Variants in MED13 observed in about 807,000 individuals in gnomAD.
The protein encoded by MED13 is mediator complex subunit 13.
Under a neutral mutation model 225.2 loss-of-function variants are expected in MED13, and 23 were observed. The ratio of observed to expected loss-of-function variants is 0.10; its 90% CI spans 0.07 to 0.14. The LOEUF (loss-of-function observed/expected upper bound fraction) is 0.14, where lower values mean the gene tolerates loss of function less well. Ranked by LOEUF, MED13 falls within the 10% of genes least tolerant of loss-of-function variation. The pLI, the probability that MED13 is intolerant of heterozygous loss-of-function variation, is 1.00. For missense variants in MED13, 2,197 were observed against 2,594.5 expected, an observed-to-expected ratio of 0.85 and a Z score of 3.33; for synonymous variants, 942 against 889.2, an observed-to-expected ratio of 1.06 and a Z score of -1.06.
chr17:62,002,489 C>CAAAA (rs35736875), intron 9 of MED13, among the ~76,000 whole-genome samples: 3 of 50,646 alleles, frequency 5.9e-5, no homozygotes, highest in South Asian at 7.0e-4. Context: ...AACTCCATCT[C>CAAAA]AAAAAAAAAA....
intron 18 of MED13, among the ~76,000 whole-genome samples, chr17:61,967,582 T>C (rs1287195389): frequency 6.6e-6 from 1 of 152,192 alleles, no homozygotes; most frequent in Non-Finnish European, 1.5e-5. Flanking sequence ...GTGAGAATTA[T>C]AACTTAAAAG....
Position 62,010,856 on chromosome 17 carries a change from G to C in MED13, c.1661C>G (p.Thr554Ser), listed in dbSNP as rs2080501098. The C allele has an allele frequency of 6.2e-7, 1 of 1,614,242 alleles. No homozygotes were observed. Among genetic ancestry groups the C allele is most frequent in the African/African-American group, 1.3e-5 (1 of 75,056 alleles). The change falls in exon 9 of 30, where the codon ACT (threonine) becomes AGT (serine). Residue 554 changes from threonine to serine, a missense_variant. Transcript: ENST00000397786. ...VDEGVTKTPSTPQSQHFYQMP... is the reference protein window; with the variant it reads ...VDEGVTKTPSSPQSQHFYQMP... ...TTGATAAAAATGTTGACTCTGAGGA[G>C]TTGAAGGTGTTTTAGTCACTCCTTC...
intron 21 of MED13, 83 bp from the exon 22 acceptor site, chr17:61,961,862 T>A (rs368444667): frequency 3.9e-6 from 5 of 1,279,250 alleles, no homozygotes; most frequent in East Asian, 2.3e-5. Context: ...TCTAAAAACT[T>A]TTTACTAGAA....
At chr17:62,047,471 G>A (rs867037982) in intron 3 of MED13, among the ~76,000 whole-genome samples, 1 of 152,058 alleles carries the variant, frequency 6.6e-6, no homozygotes, top group East Asian at 1.9e-4. Context: ...ACCAAACACT[G>A]TATGTTCTCA....
intron 3 of MED13, among the ~76,000 whole-genome samples, chr17:62,040,432 G>T (rs375941545): frequency 2.0e-3 from 297 of 152,270 alleles, no homozygotes; most frequent in Non-Finnish European, 3.5e-3. Flanking sequence ...ATTAAGTACT[G>T]AAATTAATCA....
Position 61,992,571 on chromosome 17 carries a change from A to G in MED13, c.2232T>C (p.Ala744=). 6.2e-7 allele frequency: 1 copy of G among 1,611,882 alleles called. No homozygotes were observed. Among genetic ancestry groups the G allele is most frequent in the African/African-American group, 1.3e-5 (1 of 75,022 alleles). Reference sequence around the variant, plus strand: ...TGATAGAGGGACTAAATAATGACATAGCATCTTCTTCATGTGATAACACTG... The same window carrying G: ...TGATAGAGGGACTAAATAATGACATGGCATCTTCTTCATGTGATAACACTG... The part of the protein sequence containing the change: ...SVTVLSHEED[A]MSLFSPSIKQ... Residue 744 remains alanine (A), a synonymous_variant, in exon 11 of 30, where the codon GCT becomes GCC. Transcript: ENST00000397786.
At chr17:62,046,992 A>T (rs2080903339) in intron 3 of MED13, among the ~76,000 whole-genome samples, 1 of 149,506 alleles carries the variant, frequency 6.7e-6, no homozygotes, top group South Asian at 2.1e-4. Context: ...AGTAGCTGGG[A>T]CTCTGAAGTC....
chr17:62,015,973 T>A (rs1204932622), intron 8 of MED13, among the ~76,000 whole-genome samples: 1 of 67,948 alleles, frequency 1.5e-5, no homozygotes, highest in African/African-American at 6.9e-5. Context: ...TTTTTTTTTT[T>A]TTTTTTTTTT....
At chr17:62,060,979 G>GT (rs1432935800) in intron 2 of MED13, among the ~76,000 whole-genome samples, 1 of 152,036 alleles carries the variant, frequency 6.6e-6, no homozygotes, top group Non-Finnish European at 1.5e-5. Context: ...GATTACAGGC[G>GT]TGAGTGAGCC....
At chr17:62,023,920 G>T (rs1003449765) in intron 8 of MED13, among the ~76,000 whole-genome samples, 1 of 152,116 alleles carries the variant, frequency 6.6e-6, no homozygotes, top group Non-Finnish European at 1.5e-5. Context: ...TACTAAAGGA[G>T]CAAACTAACC....
chr17:61,978,515 G>T (rs908604179), intron 16 of MED13, among the ~76,000 whole-genome samples: 9 of 152,112 alleles, frequency 5.9e-5, no homozygotes, highest in African/African-American at 1.7e-4. Context: ...CACTTTGTGG[G>T]GGGCCAAGGT....
Position 62,018,369 on chromosome 17 carries a change from C to T in MED13, c.1284-7136G>A, listed in dbSNP as rs553070836. Among the ~76,000 whole-genome samples the T allele has an allele frequency of 3.3e-5, 5 of 152,238 alleles. No homozygotes were observed. The South Asian group carries it at 1.0e-3, about 32-fold the overall frequency. On this transcript the variant is annotated intron_variant, in intron 8 of 29. Transcript: ENST00000397786. ...AACAATACGGTATAACAACTATTTA[C>T]GTAACACATTGTATTAGGTATTATA...
rs2080230619 is a variant in MED13 at position 61,984,377 on chromosome 17, A to G, written c.2692-10T>C. 3 of 1,533,560 alleles carry G rather than the reference A, an allele frequency of 2.0e-6. No individual in the cohort carries two copies. The highest frequency in any genetic ancestry group is 2.6e-6 in the Non-Finnish European group (3 of 1,143,908). 95.0% of individuals were successfully genotyped at this position (1,533,560 alleles called of 1,614,324 possible). A position where few individuals can be genotyped will look rare whatever the true frequency, so the allele number is the denominator to read the frequency against. ...AGACATAAGAAAAATCCTACAATAT[A>G]AAGATGGTAGGTTTTCAGTATCTTA... On this transcript the variant is annotated splice_polypyrimidine_tract_variant and intron_variant, in intron 14 of 29. Coordinates refer to ENST00000397786, the MANE Select transcript of MED13 (RefSeq NM_005121.3).
At chr17:61,963,212 A>G (rs2080020593) in intron 20 of MED13, among the ~76,000 whole-genome samples, 1 of 143,060 alleles carries the variant, frequency 7.0e-6, no homozygotes, top group Non-Finnish European at 1.5e-5. Flanking sequence ...CAAAAAAAAA[A>G]AAAAAAAAAA....
intron 17 of MED13, among the ~76,000 whole-genome samples, chr17:61,969,925 A>T (rs955311253): frequency 6.6e-6 from 1 of 152,140 alleles, no homozygotes; most frequent in Non-Finnish European, 1.5e-5. Flanking sequence ...TAATAAAAAA[A>T]TTTTTAAAAG....
chr17:62,059,706 A>C (rs1261830099), intron 2 of MED13, among the ~76,000 whole-genome samples: 1 of 152,190 alleles, frequency 6.6e-6, no homozygotes, highest in Non-Finnish European at 1.5e-5. Context: ...AGGCAGACTA[A>C]TTACCCCAAG....
Position 62,011,318 on chromosome 17 carries a change from G to A in MED13, c.1284-85C>T, listed in dbSNP as rs189714711. On this transcript the variant is annotated intron_variant, in intron 8 of 29. Coordinates refer to ENST00000397786, the MANE Select transcript of MED13 (RefSeq NM_005121.3). Reference sequence around the variant, plus strand: ...ACCAGTTAATAGTATTAGACACTTCGGTTATCATTTCTTTTTCACATGTAA... The same window carrying A: ...ACCAGTTAATAGTATTAGACACTTCAGTTATCATTTCTTTTTCACATGTAA... The A allele has an allele frequency of 6.4e-4, 728 of 1,136,858 alleles. 5 individuals carry two copies. In the African/African-American group the frequency reaches 0.01, roughly 16 times the overall value. 70.4% of individuals were successfully genotyped at this position (1,136,858 alleles called of 1,614,324 possible).
chr17:62,041,222 C>G (rs1365822252), intron 3 of MED13, among the ~76,000 whole-genome samples: 1 of 152,156 alleles, frequency 6.6e-6, no homozygotes, highest in Non-Finnish European at 1.5e-5. Flanking sequence ...GGAATTCTAT[C>G]ACATGCTTCA....
rs200996818 is a variant in MED13 at position 61,960,947 on chromosome 17, T to C, written c.5400A>G (p.Gln1800=). 538 of 1,613,910 alleles carry C rather than the reference T, an allele frequency of 3.3e-4. No homozygotes were observed. Among genetic ancestry groups the C allele is most frequent in the Non-Finnish European group, 4.4e-4 (520 of 1,179,928 alleles). Residue 1800 remains glutamine (Q), a synonymous_variant, in exon 23 of 30, where the codon CAA becomes CAG. Coordinates refer to ENST00000397786, the MANE Select transcript of MED13 (RefSeq NM_005121.3). ...LFVGYCLSHD[Q]RWILASCTDL... Reference sequence around the variant, plus strand: ...CTGTGCAAGATGCAAGAATCCACCTTTGATCATGTGATAAACAGTATCCCA... The same window carrying C: ...CTGTGCAAGATGCAAGAATCCACCTCTGATCATGTGATAAACAGTATCCCA...
Sources: gnomAD v4.1 joint callset for allele counts (sites outside exome capture counted in the v4.1 genomes callset) on GRCh38, gnomAD v4.1.1 for gene constraint, MANE v1.5 for transcripts, NCBI Gene and HGNC (gene_info 2026-07-23, HGNC 2026-07-21) for gene names.